SF3A3: variants seen among roughly 807,000 people sequenced by gnomAD.
The protein encoded by SF3A3 is SAP 61.
SF3A3 carries 9 observed loss-of-function variants against 85.8 expected under a neutral mutation model. The observed-to-expected ratio is 0.10, with a 90% CI of 0.06 to 0.18. The LOEUF (loss-of-function observed/expected upper bound fraction) is 0.18, where lower values mean the gene tolerates loss of function less well. Ranked by LOEUF, SF3A3 falls within the 10% of genes least tolerant of loss-of-function variation. The pLI, the probability that SF3A3 is intolerant of heterozygous loss-of-function variation, is 1.00. For missense variants in SF3A3, 306 were observed against 593.3 expected (o/e 0.52, Z 5.03); for synonymous variants, 195 against 204.4 (o/e 0.95, Z 0.39).
chr1:37,987,554 T>G lies in SF3A3; in HGVS notation c.303+19A>C, dbSNP rs1348032803. The G allele has an allele frequency of 2.6e-6, 4 of 1,545,830 alleles. No individual in the cohort carries two copies. The Admixed American group carries it at 6.7e-5, about 26-fold the overall frequency. On this transcript the variant is annotated intron_variant, in intron 4 of 16. Coordinates refer to ENST00000373019, the MANE Select transcript of SF3A3 (RefSeq NM_006802.4). ...GCTTTAAGGATAGGTCTGGAGAAAA[T>G]ACTTTTCTGAGGACATACCTCATTT... is the stretch of plus-strand genomic sequence containing the variant.
intron 15 of SF3A3, among the ~76,000 whole-genome samples, chr1:37,967,677 CAAAAAAAAAAAA>C (rs34369006): frequency 9.0e-5 from 4 of 44,236 alleles, no homozygotes; most frequent in Non-Finnish European, 1.5e-4. Flanking sequence ...GACTCCGTCA[CAAAAAAAAAAAA>C]AAAAAAAAAA....
At chr1:37,989,775 C>A in intron 1 of SF3A3, 95 bp downstream of exon 1, 1 of 1,247,026 alleles carries the variant, frequency 8.0e-7, no homozygotes, top group Non-Finnish European at 1.2e-6. Context: ...CGGAGGAAGG[C>A]AGGGAGGTTC....
intron 6 of SF3A3, 66 bp from the exon 7 acceptor site, chr1:37,981,877 AATCTCC>A: frequency 2.2e-6 from 2 of 913,694 alleles, no homozygotes; most frequent in Non-Finnish European, 1.7e-6. Flanking sequence ...GTTACAATAT[AATCTCC>A]AATAAGTGAG....
chr1:37,964,591 G>C (rs1011075529), intron 15 of SF3A3, among the ~76,000 whole-genome samples: 1 of 152,108 alleles, frequency 6.6e-6, no homozygotes, highest in Admixed American at 6.5e-5. Flanking sequence ...CTGGTTGACA[G>C]AGCAAGACTC....
chr1:37,979,652 T>TA (rs1317425185), intron 8 of SF3A3, 119 bp from the exon 9 acceptor site: 3 of 622,534 alleles, frequency 4.8e-6, no homozygotes, highest in Admixed American at 2.7e-5. Context: ...GTTCAGGAGT[T>TA]AGAGACCAGG....
chr1:37,985,259 G>T (rs561516395), intron 4 of SF3A3, among the ~76,000 whole-genome samples: 1 of 152,146 alleles, frequency 6.6e-6, no homozygotes, highest in Admixed American at 6.5e-5. Context: ...TTTTTGTACT[G>T]TTTGAGTAAA....
At chr1:37,986,996 A>C (rs983125138) in intron 4 of SF3A3, among the ~76,000 whole-genome samples, 3 of 152,100 alleles carry the variant, frequency 2.0e-5, no homozygotes, top group African/African-American at 7.2e-5. Context: ...TCATCAGAGG[A>C]GTCTCAGAGT....
intron 6 of SF3A3, among the ~76,000 whole-genome samples, chr1:37,983,837 G>T (rs2148723973): frequency 6.6e-6 from 1 of 151,822 alleles, no homozygotes; most frequent in African/African-American, 2.4e-5. Flanking sequence ...TACTCAGAAG[G>T]CTAAGGCAGG....
Position 37,989,580 on chromosome 1 carries a change from T to C in SF3A3, c.112A>G (p.Asn38Asp), listed in dbSNP as rs780710815. The part of the protein sequence containing the change: ...TKKSTLRDQI[N>D]SDHRTRAMQD... ...ATGGCCCGAGTGCGGTGATCAGAATTGATCTGGTCCCGGAGCTGAAAAAAC... is the reference window on the plus strand; with the variant it reads ...ATGGCCCGAGTGCGGTGATCAGAATCGATCTGGTCCCGGAGCTGAAAAAAC... The change falls in exon 2 of 17, where the codon AAT becomes GAT. Residue 38 changes from asparagine (N) to aspartate (D), a missense_variant. Physicochemically the swap from Asn to Asp is conservative, Grantham distance 23 (BLOSUM62 1). This residue lies in a region of SF3A3 where 152 missense variants were observed against 192.0 expected (regional missense o/e 0.79). Coordinates refer to ENST00000373019, the MANE Select transcript of SF3A3 (RefSeq NM_006802.4). 1.2e-6 allele frequency: 2 copies of C among 1,614,016 alleles called. No homozygotes were observed. Among genetic ancestry groups the C allele is most frequent in the Admixed American group, 1.7e-5 (1 of 59,964 alleles).
chr1:37,969,680 TCTC>T lies in SF3A3; in HGVS notation c.1058_1060del (p.Gly353del). 6.2e-7 allele frequency: 1 copy of T among 1,614,182 alleles called. No individual in the cohort carries two copies. The highest frequency in any genetic ancestry group is 8.5e-7 in the Non-Finnish European group (1 of 1,180,012). On this transcript the variant is annotated inframe_deletion, in exon 13 of 17. Transcript: ENST00000373019. ...CTCTTCTTCCTCTTCTTCTCGCTCT[TCTC>T]CTGTCCTGGCTTGCTTGCGCTGTAC...
In SF3A3 at chr1:37,988,894, TA is replaced by T. The variant is rs200291589; in HGVS notation, c.144+653del. On this transcript the variant is annotated intron_variant, in intron 2 of 16. Transcript: ENST00000373019. ...GTGTGTGTGTGTATATATATATATATATTTTTTTTTTCATTTAAGGGAAGGA... is the reference window on the plus strand; with the variant it reads ...GTGTGTGTGTGTATATATATATATATTTTTTTTTTTCATTTAAGGGAAGGA... Among the ~76,000 whole-genome samples, 112 of 144,616 alleles carry T rather than the reference TA, an allele frequency of 7.7e-4. 1 individual carries two copies. The highest frequency in any genetic ancestry group is 3.5e-3 in the Middle Eastern group (1 of 286). The allele number at this position is 144,616 out of a possible 152,430, so 94.9% of individuals were successfully genotyped here.
rs370064686 is a variant in SF3A3, at chr1:37,987,560, T to C, written c.303+13A>G. The C allele has an allele frequency of 3.2e-6, 5 of 1,578,208 alleles. No individual in the cohort carries two copies. The highest frequency in any genetic ancestry group is 2.2e-5 in the South Asian group (2 of 90,398). On this transcript the variant is annotated intron_variant, in intron 4 of 16. Coordinates refer to ENST00000373019, the MANE Select transcript of SF3A3 (RefSeq NM_006802.4). ...AGGATAGGTCTGGAGAAAATACTTT[T>C]CTGAGGACATACCTCATTTGGGTGC... is the stretch of plus-strand genomic sequence containing the variant.
At chr1:37,978,274 CGT>C (rs1557752707) in intron 11 of SF3A3, among the ~76,000 whole-genome samples, 1 of 146,488 alleles carries the variant, frequency 6.8e-6, no homozygotes, top group African/African-American at 2.5e-5. Flanking sequence ...AGGAGGTGGA[CGT>C]TCCAGTGAGC....
chr1:37,984,853 G>C, intron 4 of SF3A3, 74 bp from the exon 5 acceptor site: 1 of 1,244,486 alleles, frequency 8.0e-7, no homozygotes, highest in Non-Finnish European at 1.2e-6. Context: ...TGTGGCCCAG[G>C]CTGGAGTGCA....
chr1:37,958,574 G>C (rs1234576162), intron 16 of SF3A3, among the ~76,000 whole-genome samples: 1 of 152,168 alleles, frequency 6.6e-6, no homozygotes, highest in African/African-American at 2.4e-5. Context: ...GGGGAACCCT[G>C]GTTGAGAAAG....
intron 2 of SF3A3, 84 bp downstream of exon 2, chr1:37,989,455 GGCCAGGGAC>G: frequency 1.4e-6 from 2 of 1,387,870 alleles, no homozygotes; most frequent in Non-Finnish European, 2.0e-6. Flanking sequence ...GGTTACCTTT[GGCCAGGGAC>G]TCATGCTGAG....
intron 15 of SF3A3, among the ~76,000 whole-genome samples, chr1:37,965,610 C>T (rs897279042): frequency 2.0e-5 from 3 of 151,748 alleles, no homozygotes; most frequent in African/African-American, 7.3e-5. Flanking sequence ...AAAAATTAGC[C>T]AGGCATGGTG....
At position 37,959,413 on chromosome 1, in the gene SF3A3, C is replaced by T. The variant is rs147017992; in HGVS notation, c.1428+707G>A. On this transcript the variant is annotated intron_variant, in intron 16 of 16. Transcript: ENST00000373019. ...ATTTGAATGGCAGAATACAATCTGT[C>T]TTTTTGTTGTTAAAGAGACAGGGTC... Among the ~76,000 whole-genome samples, 467 of 151,312 alleles carry T rather than the reference C, an allele frequency of 3.1e-3. 3 individuals carry two copies. Among genetic ancestry groups the T allele is most frequent in the African/African-American group, 0.011 (449 of 41,224 alleles).
intron 15 of SF3A3, 53 bp downstream of exon 15, chr1:37,967,991 A>C (rs1169790360): frequency 4.7e-6 from 5 of 1,074,016 alleles, no homozygotes; most frequent in Non-Finnish European, 7.3e-6. Context: ...GCTGAATTGA[A>C]GGAGTAGAGC....
Sources: gnomAD v4.1 joint callset for allele counts (sites outside exome capture counted in the v4.1 genomes callset) on GRCh38, gnomAD v4.1.1 for gene constraint, gnomAD v4.1.1 regional missense constraint, MANE v1.5 for transcripts, NCBI Gene and HGNC (gene_info 2026-07-23, HGNC 2026-07-21) for gene names.